ANGPT4: variants seen among roughly 807,000 people sequenced by gnomAD.
The protein encoded by ANGPT4 is angiopoietin-4.
Under a neutral mutation model 53.0 loss-of-function variants are expected in ANGPT4, and 50 were observed. The observed-to-expected ratio is 0.94, with a 90% CI of 0.75 to 1.20. ANGPT4 has a LOEUF of 1.20. Among genes scored for constraint, ANGPT4 ranks in the 50% most tolerant of loss-of-function variants. The probability of loss-of-function intolerance (pLI) is 0.00; values close to 1 mark genes in which losing one functional copy is unlikely to be tolerated. For synonymous variants in ANGPT4, 251 were observed against 259.7 expected (o/e 0.97, Z 0.32); for missense variants, 648 against 637.1 (o/e 1.02, Z -0.18).
At chr20:878,133 C>T (rs200995696) in intron 7 of ANGPT4, 28 bp downstream of exon 7, 1 of 1,570,940 alleles carries the variant, frequency 6.4e-7, no homozygotes, top group Admixed American at 1.7e-5. Flanking sequence ...GACCCCAGCC[C>T]CCACAACGGC....
Position 873,073 on chromosome 20 carries a change from A to G in ANGPT4, c.1399T>C (p.Tyr467His). Reference protein sequence around the residue: ...CGLSNLNGVYYHAPDNKYKMD... With the variant: ...CGLSNLNGVYHHAPDNKYKMD... ...TTGTACTTGTTGTCGGGAGCGTGGT[A>G]GTAGACGCCGTTGAGGTTTGACAGG... is the stretch of plus-strand genomic sequence containing the variant. The change falls in exon 9 of 9, where the codon TAC (tyrosine) becomes CAC (histidine). Residue 467 changes from tyrosine (Y) to histidine (H), a missense_variant. Transcript: ENST00000381922. 1 of 1,614,024 alleles carries G rather than the reference A, an allele frequency of 6.2e-7. No individual in the cohort carries two copies.
chr20:894,499 T>TA (rs1206199546), intron 1 of ANGPT4, among the ~76,000 whole-genome samples: 1 of 151,974 alleles, frequency 6.6e-6, no homozygotes, highest in Non-Finnish European at 1.5e-5. Context: ...GGGTCCGTGG[T>TA]AAATCTTAGT....
intron 1 of ANGPT4, among the ~76,000 whole-genome samples, chr20:901,523 T>C (rs1045256779): frequency 3.9e-5 from 6 of 152,198 alleles, no homozygotes; most frequent in Non-Finnish European, 8.8e-5. Context: ...TCAGTCCACC[T>C]GCACTCAGGT....
intron 1 of ANGPT4, among the ~76,000 whole-genome samples, chr20:915,418 C>A (rs185958904): frequency 2.0e-5 from 3 of 152,254 alleles, no homozygotes; most frequent in Admixed American, 6.5e-5. Flanking sequence ...CAAATACCTG[C>A]CTGGCCCACT....
intron 6 of ANGPT4, 43 bp downstream of exon 6, chr20:879,703 AG>A: frequency 6.4e-7 from 1 of 1,556,024 alleles, no homozygotes; most frequent in Non-Finnish European, 8.8e-7. Context: ...CCCCAGCCCC[AG>A]GTTTCAGAGC....
chr20:881,625 TGA>T (rs1981411029), intron 4 of ANGPT4, among the ~76,000 whole-genome samples: 1 of 151,742 alleles, frequency 6.6e-6, no homozygotes, highest in African/African-American at 2.4e-5. Context: ...ACTCACACCG[TGA>T]GAGAGGAGTT....
intron 7 of ANGPT4, among the ~76,000 whole-genome samples, chr20:874,927 C>T (rs1401178849): frequency 6.6e-6 from 1 of 152,100 alleles, no homozygotes; most frequent in Non-Finnish European, 1.5e-5. Flanking sequence ...ACTATGTTGC[C>T]CAGGCTGGTC....
chr20:903,125 C>T (rs933577811), intron 1 of ANGPT4, among the ~76,000 whole-genome samples: 2 of 152,170 alleles, frequency 1.3e-5, no homozygotes, highest in African/African-American at 2.4e-5. Context: ...AGCCTTGCAG[C>T]CAGTGAGCCC....
intron 1 of ANGPT4, among the ~76,000 whole-genome samples, chr20:904,725 C>T (rs964378340): frequency 3.3e-5 from 5 of 152,224 alleles, no homozygotes; most frequent in African/African-American, 7.2e-5. Flanking sequence ...TTCCCAGGCT[C>T]AAGCGATCTT....
At chr20:881,069 A>G in intron 5 of ANGPT4, 102 bp downstream of exon 5, 2 of 923,716 alleles carry the variant, frequency 2.2e-6, no homozygotes, top group Non-Finnish European at 3.2e-6. Flanking sequence ...GGTATTTCAG[A>G]TACTGGACAA....
In ANGPT4 at chr20:870,636, C is replaced by T. The variant is rs568655317; in HGVS notation, c.*2324G>A. Reference sequence around the variant, plus strand: ...GAGAGGGACTTGGGCCTTCAACCCACCCAGAGGAGTTCTGTCCCTGGGCCT... The same window carrying T: ...GAGAGGGACTTGGGCCTTCAACCCATCCAGAGGAGTTCTGTCCCTGGGCCT... On this transcript the variant is annotated 3_prime_UTR_variant, in exon 9 of 9. Transcript: ENST00000381922. The T allele has an allele frequency of 6.6e-6, 1 of 152,360 alleles. No individual in the cohort carries two copies. The highest frequency in any genetic ancestry group is 1.5e-5 in the Non-Finnish European group (1 of 68,054). 9.4% of individuals were successfully genotyped at this position (152,360 alleles called of 1,614,324 possible).
intron 6 of ANGPT4, among the ~76,000 whole-genome samples, chr20:879,202 T>C (rs887021046): frequency 6.6e-6 from 1 of 152,256 alleles, no homozygotes; most frequent in African/African-American, 2.4e-5. Context: ...GGTATCTTTT[T>C]CTATTTCTTT....
At position 877,836 on chromosome 20, in the gene ANGPT4, G is replaced by A. The variant is rs553724414; in HGVS notation, c.1220+325C>T. Among the ~76,000 whole-genome samples the A allele has an allele frequency of 4.3e-3, 658 of 152,336 alleles. 7 individuals carry two copies. Among genetic ancestry groups the A allele is most frequent in the African/African-American group, 0.015 (633 of 41,578 alleles). ...CACCCAGCCCCAGGGCATAGGACAG[G>A]CTGGGCAAGTCACCTCCTTTTGCTT... On this transcript the variant is annotated intron_variant, in intron 7 of 8. Coordinates refer to ENST00000381922, the MANE Select transcript of ANGPT4 (RefSeq NM_015985.4).
At chr20:915,836 A>G (rs1600070200) in intron 1 of ANGPT4, 70 bp downstream of exon 1, 2 of 1,497,598 alleles carry the variant, frequency 1.3e-6, no homozygotes, top group African/African-American at 1.4e-5. Context: ...TTGGATGGAC[A>G]CTCCACCTGC....
chr20:892,083 C>T (rs936224573), intron 1 of ANGPT4, among the ~76,000 whole-genome samples: 3 of 151,212 alleles, frequency 2.0e-5, no homozygotes, highest in Non-Finnish European at 4.4e-5. Context: ...GCATCATCAG[C>T]CCACCCCCTC....
chr20:878,450 G>T, intron 6 of ANGPT4, 123 bp from the exon 7 acceptor site: 1 of 963,262 alleles, frequency 1.0e-6, no homozygotes, highest in South Asian at 1.9e-5. Context: ...TAATGATCGA[G>T]TTCATAAGTA....
chr20:899,489 G>C (rs1483527039), intron 1 of ANGPT4, among the ~76,000 whole-genome samples: 2 of 151,902 alleles, frequency 1.3e-5, no homozygotes, highest in Non-Finnish European at 2.9e-5. Flanking sequence ...TCCTGACCTC[G>C]TGATTTGCCC....
intron 1 of ANGPT4, 72 bp downstream of exon 1, chr20:915,834 A>G (rs1982907886): frequency 1.3e-6 from 2 of 1,494,404 alleles, no homozygotes; most frequent in African/African-American, 1.4e-5. Context: ...TCTTGGATGG[A>G]CACTCCACCT....
intron 4 of ANGPT4, among the ~76,000 whole-genome samples, chr20:883,045 T>G (rs1981473969): frequency 1.3e-5 from 2 of 152,248 alleles, no homozygotes; most frequent in East Asian, 1.9e-4. Context: ...TGAACCCTTT[T>G]GTATGCATGA....
Sources: allele counts gnomAD v4.1 joint callset (sites outside exome capture counted in the v4.1 genomes callset), GRCh38; gene constraint gnomAD v4.1.1; transcripts MANE v1.5; gene names NCBI Gene and HGNC (gene_info 2026-07-23, HGNC 2026-07-21).